Variants in NWD2 observed in about 807,000 individuals in gnomAD.
NWD2 encodes NACHT and WD repeat domain containing 2.
In NWD2, 37 loss-of-function variants were observed where a neutral mutation model predicts 132.7. The ratio of observed to expected loss-of-function variants is 0.28; its 90% CI spans 0.21 to 0.37. The LOEUF is 0.37. Among genes scored for constraint, NWD2 ranks in the 10% least tolerant of loss-of-function variants. The pLI is 1.00. For synonymous variants in NWD2, 705 were observed against 803.0 expected (o/e 0.88, Z 2.06); for missense variants, 1,592 against 2,122.4 (o/e 0.75, Z 4.91).
intron 3 of NWD2, among the ~76,000 whole-genome samples, chr4:37,412,668 G>GC (rs35743214): frequency 0.55 from 83,963 of 151,588 alleles, 24,236 homozygotes; most frequent in East Asian, 0.75. Flanking sequence ...AGCCCAAATA[G>GC]CAACACAATC....
intron 1 of NWD2, among the ~76,000 whole-genome samples, chr4:37,286,850 T>C (rs995382871): frequency 6.6e-6 from 1 of 151,440 alleles, no homozygotes; most frequent in Non-Finnish European, 1.5e-5. Context: ...TTAATCACAT[T>C]GAAAAAAAAA....
intron 1 of NWD2, among the ~76,000 whole-genome samples, chr4:37,273,717 T>C (rs1248650990): frequency 6.6e-6 from 1 of 152,050 alleles, no homozygotes; most frequent in African/African-American, 2.4e-5. Flanking sequence ...AGGACAGAAA[T>C]TATTACAAAC....
intron 1 of NWD2, among the ~76,000 whole-genome samples, chr4:37,271,985 T>G (rs1386035223): frequency 2.0e-5 from 3 of 151,796 alleles, no homozygotes; most frequent in African/African-American, 7.2e-5. Flanking sequence ...CATATATTCC[T>G]GATTTTTTGA....
chr4:37,373,610 T>A (rs556374127), intron 3 of NWD2, among the ~76,000 whole-genome samples: 35 of 152,220 alleles, frequency 2.3e-4, no homozygotes, highest in Non-Finnish European at 4.4e-4. Context: ...TGGAAATGTT[T>A]AGAAAATTAG....
At chr4:37,362,019 C>A (rs568983455) in intron 3 of NWD2, among the ~76,000 whole-genome samples, 1 of 152,126 alleles carries the variant, frequency 6.6e-6, no homozygotes, top group African/African-American at 2.4e-5. Context: ...TTCTATACAC[C>A]CATAACGTTC....
chr4:37,301,808 T>C (rs941831746), intron 1 of NWD2, among the ~76,000 whole-genome samples: 1 of 152,242 alleles, frequency 6.6e-6, no homozygotes, highest in East Asian at 1.9e-4. Context: ...GTTCTTTTGT[T>C]TGAGCTGGAT....
At chr4:37,320,953 T>C (rs1033876413) in intron 1 of NWD2, among the ~76,000 whole-genome samples, 4 of 151,966 alleles carry the variant, frequency 2.6e-5, no homozygotes, top group Non-Finnish European at 4.4e-5. Flanking sequence ...AGGTCAGCAG[T>C]TCGAGACCAG....
At chr4:37,408,583 G>T (rs1721092055) in intron 3 of NWD2, among the ~76,000 whole-genome samples, 1 of 152,202 alleles carries the variant, frequency 6.6e-6, no homozygotes. Flanking sequence ...GAGGGGAAAG[G>T]CCTGGCTGTG....
Position 37,267,685 on chromosome 4 carries a change from T to C in NWD2, c.151+22467T>C, listed in dbSNP as rs150728526. ...GTGTTTTTGAAGTACCTCTTGGTCTTAATGTGTTCTTTAAGACAAAATAAA... is the reference window on the plus strand; with the variant it reads ...GTGTTTTTGAAGTACCTCTTGGTCTCAATGTGTTCTTTAAGACAAAATAAA... On this transcript the variant is annotated intron_variant, in intron 1 of 6. Transcript: ENST00000309447. 9.5e-3 allele frequency among the ~76,000 whole-genome samples: 1,447 copies of C among 152,074 alleles called. 33 individuals are homozygous for C. Among genetic ancestry groups the C allele is most frequent in the African/African-American group, 0.033 (1,374 of 41,526 alleles).
In NWD2 at chr4:37,448,356, A is replaced by G. The variant is rs548874788; in HGVS notation, c.*1139A>G. 1.3e-5 allele frequency: 2 copies of G among 152,178 alleles called. No individual in the cohort carries two copies. Among genetic ancestry groups the G allele is most frequent in the African/African-American group, 4.8e-5 (2 of 41,446 alleles). 9.4% of individuals were successfully genotyped at this position (152,178 alleles called of 1,614,324 possible). ...TGTCCTTGTTTGTAATCACTTTCTT[A>G]CTTCTACACACCATCTGTATGCTTC... is the stretch of plus-strand genomic sequence containing the variant. On this transcript the variant is annotated 3_prime_UTR_variant, in exon 7 of 7. Transcript: ENST00000309447.
chr4:37,383,997 G>A (rs1379877272), intron 3 of NWD2, among the ~76,000 whole-genome samples: 1 of 151,890 alleles, frequency 6.6e-6, no homozygotes, highest in Admixed American at 6.6e-5. Flanking sequence ...CCTGCAGGAC[G>A]TGCCGGTCTG....
At chr4:37,369,416 C>T (rs1310309256) in intron 3 of NWD2, among the ~76,000 whole-genome samples, 1 of 152,136 alleles carries the variant, frequency 6.6e-6, no homozygotes, top group East Asian at 1.9e-4. Flanking sequence ...CCTTCTCCCC[C>T]ACTTCCCTGT....
intron 3 of NWD2, among the ~76,000 whole-genome samples, chr4:37,366,545 T>G (rs1160817382): frequency 6.6e-6 from 1 of 152,158 alleles, no homozygotes; most frequent in African/African-American, 2.4e-5. Context: ...TTATTCACTG[T>G]AAATAATCTA....
intron 1 of NWD2, among the ~76,000 whole-genome samples, chr4:37,279,985 T>C (rs992655868): frequency 2.0e-5 from 3 of 152,194 alleles, no homozygotes; most frequent in African/African-American, 4.8e-5. Context: ...AAGTGGTTGC[T>C]AAATGGCTGC....
chr4:37,247,074 A>G (rs896612870), intron 1 of NWD2, among the ~76,000 whole-genome samples: 1 of 152,240 alleles, frequency 6.6e-6, no homozygotes, highest in Non-Finnish European at 1.5e-5. Flanking sequence ...CCCCTTGGCT[A>G]CGGTTTGAGC....
At chr4:37,396,885 T>A (rs1720801649) in intron 3 of NWD2, among the ~76,000 whole-genome samples, 1 of 151,990 alleles carries the variant, frequency 6.6e-6, no homozygotes, top group Non-Finnish European at 1.5e-5. Flanking sequence ...ATACAAAAAT[T>A]AGCCGGGTGT....
intron 1 of NWD2, among the ~76,000 whole-genome samples, chr4:37,281,818 A>T (rs1413313371): frequency 6.6e-6 from 1 of 152,210 alleles, no homozygotes; most frequent in Non-Finnish European, 1.5e-5. Flanking sequence ...AATCATGGTT[A>T]CAATCAAATT....
chr4:37,442,624 G>A (rs575914555), intron 6 of NWD2, among the ~76,000 whole-genome samples: 1 of 151,934 alleles, frequency 6.6e-6, no homozygotes, highest in African/African-American at 2.4e-5. Flanking sequence ...AAAGCACAAC[G>A]TTTAACAAAG....
At position 37,444,269 on chromosome 4, in the gene NWD2, G is replaced by A; in HGVS notation, c.2281G>A (p.Asp761Asn). 1 of 1,551,710 alleles carries A rather than the reference G, an allele frequency of 6.4e-7. No individual in the cohort carries two copies. Among genetic ancestry groups the A allele is most frequent in the Non-Finnish European group, 8.7e-7 (1 of 1,147,004 alleles). Residue 761 changes from aspartate (D) to asparagine (N), a missense_variant, in exon 7 of 7, where the codon GAT becomes AAT. Physicochemically the swap from Asp to Asn is conservative, Grantham distance 23. Around this residue, in one of 7 missense-constraint regions of NWD2, gnomAD observed 1,071 missense variants for 1,398.0 expected, o/e 0.77. Transcript: ENST00000309447. The surrounding 1 kb of genome is among the most constrained non-coding windows in gnomAD (Gnocchi z 4.8). The part of the protein sequence containing the change: ...DLREMHTILA[D>N]YFLGVWSGGR... ...GCGTGAAATGCACACCATCTTAGCA[G>A]ATTATTTTCTGGGGGTTTGGTCAGG...
Sources: gnomAD v4.1 joint callset for allele counts (sites outside exome capture counted in the v4.1 genomes callset) on GRCh38, gnomAD v4.1.1 for gene constraint, gnomAD v4.1.1 regional missense constraint, Gnocchi (gnomAD v3.1) non-coding constraint, MANE v1.5 for transcripts, NCBI Gene and HGNC (gene_info 2026-07-23, HGNC 2026-07-21) for gene names.